POLN: variants seen among roughly 807,000 people sequenced by gnomAD.
The protein encoded by POLN is DNA polymerase N.
In POLN, 108 loss-of-function variants were observed where a neutral mutation model predicts 113.5. The observed-to-expected ratio is 0.95, with a 90% CI of 0.81 to 1.12. The LOEUF (loss-of-function observed/expected upper bound fraction) is 1.12, where lower values mean the gene tolerates loss of function less well. Among genes scored for constraint, POLN ranks in the 50% most tolerant of loss-of-function variants. The pLI, the probability that POLN is intolerant of heterozygous loss-of-function variation, is 0.00. For missense variants in POLN, 1,097 were observed against 1,077.1 expected (o/e 1.02, Z -0.26); for synonymous variants, 386 against 391.5 (o/e 0.99, Z 0.17).
chr4:2,207,982 C>T lies in POLN; in HGVS notation c.714+5G>A, dbSNP rs779137714. 3 of 1,584,882 alleles carry T rather than the reference C, an allele frequency of 1.9e-6. No homozygotes were observed. The East Asian group carries it at 6.7e-5, about 36-fold the overall frequency. On this transcript the variant is annotated splice_donor_5th_base_variant and intron_variant, in intron 5 of 25. Transcript: ENST00000511885. ...CAGCAAATAAAAACATCACTGTTTA[C>T]TAACCTGGTCAGCTCCTAGCTGGGT...
Position 2,215,527 on chromosome 4 carries a change from T to C in POLN, c.134-2401A>G, listed in dbSNP as rs147864438. On this transcript the variant is annotated intron_variant, in intron 3 of 25. Transcript: ENST00000511885. ...GTGTCTCCCAATGGGTCAAGACAGC[T>C]GGGCTTTTATACCCCTGCACAAACT... Among the ~76,000 whole-genome samples, 31 of 152,318 alleles carry C rather than the reference T, an allele frequency of 2.0e-4. 1 individual carries two copies. The highest frequency in any genetic ancestry group is 7.5e-4 in the African/African-American group (31 of 41,576).
In POLN at chr4:2,075,327, G is replaced by A. The variant is rs894698094; in HGVS notation, c.2455+125C>T. ...AGGACCCAGGTGACACAGCAGCAAT[G>A]AGGTGGGGCAGGGGCCATAAAAGGG... On this transcript the variant is annotated intron_variant, in intron 24 of 25. Transcript: ENST00000511885. 1.8e-5 allele frequency: 19 copies of A among 1,028,642 alleles called. 5 individuals are homozygous for A. Among genetic ancestry groups the A allele is most frequent in the Admixed American group, 2.3e-5 (1 of 43,304 alleles). The allele number at this position is 1,028,642 out of a possible 1,614,324, so 63.7% of individuals were successfully genotyped here.
chr4:2,212,291 C>G (rs1238914623), intron 4 of POLN, among the ~76,000 whole-genome samples: 1 of 152,168 alleles, frequency 6.6e-6, no homozygotes, highest in Non-Finnish European at 1.5e-5. Flanking sequence ...TTTCCACTAC[C>G]CAAAGTTCCA....
intron 16 of POLN, among the ~76,000 whole-genome samples, chr4:2,154,628 A>T (rs1732379266): frequency 6.6e-6 from 1 of 152,232 alleles, no homozygotes; most frequent in Non-Finnish European, 1.5e-5. Flanking sequence ...TGTGACTCAG[A>T]AATTCTATCT....
intron 23 of POLN, 34 bp downstream of exon 23, chr4:2,080,924 C>T (rs774340648): frequency 2.5e-6 from 4 of 1,613,482 alleles, no homozygotes; most frequent in Middle Eastern, 3.3e-4. Context: ...ACTAACCCTC[C>T]CATCCAAGCC....
intron 12 of POLN, 118 bp downstream of exon 12, chr4:2,170,980 T>G (rs560973252): frequency 2.9e-6 from 3 of 1,026,698 alleles, no homozygotes; most frequent in Non-Finnish European, 4.3e-6. Flanking sequence ...TGAGAGAACA[T>G]GAAAAACTTA....
intron 18 of POLN, among the ~76,000 whole-genome samples, chr4:2,128,852 C>T (rs534416279): frequency 6.6e-6 from 1 of 152,100 alleles, no homozygotes; most frequent in East Asian, 1.9e-4. Flanking sequence ...GTCAGGAGTT[C>T]GAGACCAGCC....
At chr4:2,161,852 T>A (rs1053890388) in intron 13 of POLN, among the ~76,000 whole-genome samples, 4 of 152,158 alleles carry the variant, frequency 2.6e-5, no homozygotes, top group Non-Finnish European at 1.5e-5. Flanking sequence ...TGTGTCTAGC[T>A]CAGGGTTTGT....
In POLN at chr4:2,096,009, C is replaced by T. The variant is rs1199229137; in HGVS notation, c.1983-76G>A. On this transcript the variant is annotated intron_variant, in intron 19 of 25. Transcript: ENST00000511885. Reference sequence around the variant, plus strand: ...GCAGGGCAGACAGTCCAACCACACACCCCACCACTGTGCTTCCTCTGGAAA... The same window carrying T: ...GCAGGGCAGACAGTCCAACCACACATCCCACCACTGTGCTTCCTCTGGAAA... The T allele has an allele frequency of 8.3e-6, 10 of 1,204,656 alleles. No individual in the cohort carries two copies. In the African/African-American group the frequency reaches 1.0e-4, roughly 13 times the overall value. 74.6% of individuals were successfully genotyped at this position (1,204,656 alleles called of 1,614,324 possible).
intron 19 of POLN, among the ~76,000 whole-genome samples, chr4:2,120,629 G>A (rs1731416945): frequency 6.6e-6 from 1 of 152,010 alleles, no homozygotes; most frequent in African/African-American, 2.4e-5. Flanking sequence ...GAATAATTGG[G>A]ATTACAGGCG....
chr4:2,179,321 G>T lies in POLN; in HGVS notation c.1166C>A (p.Ser389Ter). 1 of 1,611,704 alleles carries T rather than the reference G, an allele frequency of 6.2e-7. No individual in the cohort carries two copies. Among genetic ancestry groups the T allele is most frequent in the South Asian group, 1.1e-5 (1 of 90,496 alleles). The stretch of plus-strand genomic sequence containing the variant: ...TAAACAACTCACCACAATATTTCTT[G>T]AGGAATTTCCATATGTGCTGTTCAC... ...VKVNSTYGNS[S>*]RNIVNQNVRE... The change falls in exon 8 of 26, where the codon TCA (serine) becomes TAA (stop). Residue 389 changes from serine to a stop codon, truncating the protein, a stop_gained. Transcript: ENST00000511885. LOFTEE classifies it high-confidence loss of function.
intron 2 of POLN, chr4:2,240,719 T>G (rs764722155): frequency 4.3e-6 from 7 of 1,614,094 alleles, no homozygotes; most frequent in Non-Finnish European, 5.1e-6. Flanking sequence ...CTTCATCCAA[T>G]GCCGCCCCTT....
chr4:2,177,466 G>A (rs1733025286), intron 8 of POLN, among the ~76,000 whole-genome samples: 1 of 152,202 alleles, frequency 6.6e-6, no homozygotes. Context: ...AATGATTAAT[G>A]GCTGGACTTC....
chr4:2,112,877 C>T (rs1731230496), intron 19 of POLN, among the ~76,000 whole-genome samples: 1 of 152,148 alleles, frequency 6.6e-6, no homozygotes, highest in African/African-American at 2.4e-5. Flanking sequence ...CCAGCCATCC[C>T]ATTACTGGGT....
intron 20 of POLN, among the ~76,000 whole-genome samples, chr4:2,094,128 CT>C (rs1730726635): frequency 1.3e-5 from 2 of 152,056 alleles, no homozygotes; most frequent in South Asian, 4.1e-4. Context: ...GGGCAGATCA[CT>C]TGAGGTCAGG....
rs1310756145 is a variant in POLN at position 2,072,165 on chromosome 4, A to T, written c.2652T>A (p.Pro884=). The T allele has an allele frequency of 6.2e-7, 1 of 1,611,966 alleles. No homozygotes were observed. The highest frequency in any genetic ancestry group is 8.5e-7 in the Non-Finnish European group (1 of 1,179,186). The change falls in exon 26 of 26, where the codon CCT becomes CCA. Residue 884 remains proline (P), a synonymous_variant. Coordinates refer to ENST00000511885, the MANE Select transcript of POLN (RefSeq NM_181808.4). ...PSNSLAAPGS[P]ASTQPPPLHF... Reference sequence around the variant, plus strand: ...GCAGGGGTGGGGGCTGGGTGCTGGCAGGGGACCCAGGGGCAGCCAGGCTGT... The same window carrying T: ...GCAGGGGTGGGGGCTGGGTGCTGGCTGGGGACCCAGGGGCAGCCAGGCTGT...
chr4:2,218,417 C>T (rs1734165879), intron 3 of POLN, among the ~76,000 whole-genome samples: 1 of 151,786 alleles, frequency 6.6e-6, no homozygotes, highest in Non-Finnish European at 1.5e-5. Context: ...TGCACTCCAG[C>T]CTGGGCAACA....
intron 5 of POLN, among the ~76,000 whole-genome samples, chr4:2,202,013 G>A (rs931190494): frequency 2.6e-5 from 4 of 152,010 alleles, no homozygotes; most frequent in African/African-American, 9.7e-5. Flanking sequence ...TACAACAACT[G>A]TTAAAAGGAG....
intron 16 of POLN, among the ~76,000 whole-genome samples, chr4:2,145,244 A>T (rs370507283): frequency 2.6e-5 from 4 of 152,340 alleles, no homozygotes; most frequent in Non-Finnish European, 4.4e-5. Context: ...TATGATCTCC[A>T]AGTAAGATAG....
Sources: allele counts gnomAD v4.1 joint callset (sites outside exome capture counted in the v4.1 genomes callset), GRCh38; gene constraint gnomAD v4.1.1; transcripts MANE v1.5; gene names NCBI Gene and HGNC (gene_info 2026-07-23, HGNC 2026-07-21).